The following LMBR1 variants were observed in gnomAD, a reference collection of about 807,000 sequenced individuals.
The protein encoded by LMBR1 is limb region 1 protein homolog.
A neutral mutation model predicts 73.9 loss-of-function variants in LMBR1; 52 were observed. The ratio of observed to expected loss-of-function variants is 0.70; its 90% CI spans 0.56 to 0.89. LMBR1 has a LOEUF of 0.89. Among genes scored for constraint, LMBR1 ranks in the 40% least tolerant of loss-of-function variants. LMBR1 has a pLI of 0.00. For synonymous variants in LMBR1, 215 were observed against 209.4 expected (o/e 1.03, Z -0.23); for missense variants, 539 against 579.8 (o/e 0.93, Z 0.72).
intron 10 of LMBR1, among the ~76,000 whole-genome samples, chr7:156,729,708 C>T (rs886558195): frequency 2.0e-5 from 3 of 152,160 alleles, no homozygotes; most frequent in Admixed American, 1.3e-4. Flanking sequence ...CTCCTGACCT[C>T]GTGATCCACC....
intron 15 of LMBR1, among the ~76,000 whole-genome samples, chr7:156,692,558 T>C (rs1315655334): frequency 6.6e-6 from 1 of 152,146 alleles, no homozygotes; most frequent in Non-Finnish European, 1.5e-5. Context: ...TTCAAGACCC[T>C]AGACATCAGG....
At position 156,669,344 on chromosome 7, in the gene LMBR1, G is replaced by A. The variant is rs1354841673; in HGVS notation, n.867-57C>T. On this transcript the variant is annotated intron_variant and non_coding_transcript_variant, in intron 4 of 4. Transcript: ENST00000430825. The surrounding 1 kb of genome is among the most constrained non-coding windows in gnomAD (Gnocchi z 4.2). ...TACAATTTTCAAGAATAAGTGCCAG[G>A]AAGAAAAATGCAAAGAGAGGAAGGG... is the stretch of plus-strand genomic sequence containing the variant. 1 of 152,224 alleles carries A rather than the reference G, an allele frequency of 6.6e-6. No individual in the cohort carries two copies. The highest frequency in any genetic ancestry group is 1.5e-5 in the Non-Finnish European group (1 of 68,048). The allele number at this position is 152,224 out of a possible 1,614,324, so 9.4% of individuals were successfully genotyped here.
chr7:156,889,348 A>C (rs2134608746), intron 1 of LMBR1, among the ~76,000 whole-genome samples: 1 of 144,290 alleles, frequency 6.9e-6, no homozygotes, highest in Non-Finnish European at 1.5e-5. Context: ...ATATTTAGAT[A>C]TGGTAAATTG....
intron 5 of LMBR1, among the ~76,000 whole-genome samples, chr7:156,795,222 G>A (rs946911183): frequency 6.6e-6 from 1 of 152,146 alleles, no homozygotes; most frequent in African/African-American, 2.4e-5. Flanking sequence ...TGTGAAGCCT[G>A]CTCAGATTCC....
At chr7:156,694,563 T>C (rs1313677421) in intron 15 of LMBR1, among the ~76,000 whole-genome samples, 2 of 152,200 alleles carry the variant, frequency 1.3e-5, no homozygotes, top group Non-Finnish European at 2.9e-5. Context: ...CTACTTGAAG[T>C]CCTAGCCAGA....
chr7:156,781,503 A>G (rs981748814), intron 5 of LMBR1, among the ~76,000 whole-genome samples: 1 of 152,084 alleles, frequency 6.6e-6, no homozygotes, highest in Non-Finnish European at 1.5e-5. Flanking sequence ...CATACATATT[A>G]GTATTTTATT....
At chr7:156,818,350 T>C (rs2133715245) in intron 4 of LMBR1, among the ~76,000 whole-genome samples, 1 of 152,310 alleles carries the variant, frequency 6.6e-6, no homozygotes, top group African/African-American at 2.4e-5. Context: ...TGTGGTTATA[T>C]TTTAACAGAC....
intron 15 of LMBR1, among the ~76,000 whole-genome samples, chr7:156,717,006 G>A (rs899933921): frequency 6.6e-6 from 1 of 152,150 alleles, no homozygotes; most frequent in Non-Finnish European, 1.5e-5. Context: ...GGGTGTGGTG[G>A]TGGGCAGCTG....
intron 5 of LMBR1, among the ~76,000 whole-genome samples, chr7:156,794,329 C>T (rs1003674669): frequency 1.3e-5 from 2 of 152,146 alleles, no homozygotes; most frequent in Non-Finnish European, 2.9e-5. Context: ...GCTGTACAAT[C>T]GTATGTGTGA....
At chr7:156,743,684 T>C (rs1819318332) in intron 9 of LMBR1, among the ~76,000 whole-genome samples, 1 of 152,266 alleles carries the variant, frequency 6.6e-6, no homozygotes, top group South Asian at 2.1e-4. Flanking sequence ...AGTGAAACTT[T>C]AGTTTATCCT....
intron 5 of LMBR1, among the ~76,000 whole-genome samples, chr7:156,787,769 T>C (rs1828407740): frequency 6.6e-6 from 1 of 152,198 alleles, no homozygotes; most frequent in South Asian, 2.1e-4. Context: ...TAGATATAAC[T>C]GGATCTTTTT....
chr7:156,851,683 A>C (rs1002722374), intron 1 of LMBR1, among the ~76,000 whole-genome samples: 4 of 152,180 alleles, frequency 2.6e-5, no homozygotes, highest in Non-Finnish European at 5.9e-5. Flanking sequence ...CTCGCACATA[A>C]AAACAGTAAA....
chr7:156,806,407 T>C (rs1832085758), intron 4 of LMBR1, among the ~76,000 whole-genome samples: 1 of 152,060 alleles, frequency 6.6e-6, no homozygotes, highest in African/African-American at 2.4e-5. Context: ...GCATAGAAAA[T>C]ATCATCTGTG....
intron 1 of LMBR1, among the ~76,000 whole-genome samples, chr7:156,844,164 A>G (rs1034645047): frequency 1.3e-5 from 2 of 152,000 alleles, no homozygotes; most frequent in African/African-American, 4.8e-5. Context: ...GTCTCTACAA[A>G]AAATACAAAA....
chr7:156,874,065 G>A (rs1023381237), intron 1 of LMBR1, among the ~76,000 whole-genome samples: 3 of 152,268 alleles, frequency 2.0e-5, no homozygotes, highest in African/African-American at 7.2e-5. Flanking sequence ...GGTGGTGCTC[G>A]TCGGGGAGGC....
At chr7:156,733,462 C>T (rs1817259460) in intron 10 of LMBR1, among the ~76,000 whole-genome samples, 1 of 151,804 alleles carries the variant, frequency 6.6e-6, no homozygotes, top group South Asian at 2.1e-4. Flanking sequence ...ACAAAACAGG[C>T]CCAAACAGGC....
At chr7:156,799,527 G>A (rs1031404293) in intron 4 of LMBR1, among the ~76,000 whole-genome samples, 5 of 151,954 alleles carry the variant, frequency 3.3e-5, no homozygotes, top group Admixed American at 3.3e-4. Context: ...AATATTGTGT[G>A]TGTTGACTGC....
chr7:156,771,455 A>G (rs1300234184), intron 5 of LMBR1, among the ~76,000 whole-genome samples: 1 of 152,228 alleles, frequency 6.6e-6, no homozygotes, highest in South Asian at 2.1e-4. Flanking sequence ...ACTTTCATGC[A>G]TACAAACTAG....
At chr7:156,734,899 T>G (rs1817561282) in intron 9 of LMBR1, among the ~76,000 whole-genome samples, 1 of 152,204 alleles carries the variant, frequency 6.6e-6, no homozygotes, top group African/African-American at 2.4e-5. Flanking sequence ...ATATGCATGG[T>G]TTTTATTACA....
Sources: allele counts gnomAD v4.1 joint callset (sites outside exome capture counted in the v4.1 genomes callset), GRCh38; gene constraint gnomAD v4.1.1; non-coding constraint Gnocchi (gnomAD v3.1); transcripts MANE v1.5; gene names NCBI Gene and HGNC (gene_info 2026-07-23, HGNC 2026-07-21).